Variants in PNKD observed in about 807,000 individuals in gnomAD.
The protein encoded by PNKD is PNKD metallo-beta-lactamase domain containing.
PNKD carries 36 observed loss-of-function variants against 45.3 expected under a neutral mutation model. That is an observed-to-expected ratio of 0.80 (90% CI 0.61 to 1.05). The LOEUF (loss-of-function observed/expected upper bound fraction) is 1.05. PNKD is among the 50% of genes least tolerant of loss of function. The pLI is 0.00. For synonymous variants in PNKD, 197 were observed against 210.1 expected (o/e 0.94, Z 0.54); for missense variants, 511 against 506.6 (o/e 1.01, Z -0.08).
intron 2 of PNKD, chr2:218,281,862 G>A: frequency 7.3e-6 from 8 of 1,103,298 alleles, no homozygotes; most frequent in Non-Finnish European, 1.1e-5. Context: ...GAAGAGAAAA[G>A]GGGCAGGAGG....
Position 218,340,220 on chromosome 2 carries a change from C to T in PNKD, c.465+79C>T, listed in dbSNP as rs1188838415. 1 of 870,428 alleles carries T rather than the reference C, an allele frequency of 1.1e-6. No individual in the cohort carries two copies. 53.9% of individuals were successfully genotyped at this position (870,428 alleles called of 1,614,324 possible). On this transcript the variant is annotated intron_variant, in intron 4 of 9. Coordinates refer to ENST00000273077, the MANE Select transcript of PNKD (RefSeq NM_015488.5). The surrounding 1 kb of genome is among the most constrained non-coding windows in gnomAD (Gnocchi z 4.2). ...GTTTCGCCTTGCTAGAGAGGGCTGACCCTTGTCCGTCTGCCCGTGGGATGT... is the reference window on the plus strand; with the variant it reads ...GTTTCGCCTTGCTAGAGAGGGCTGATCCTTGTCCGTCTGCCCGTGGGATGT...
chr2:218,331,969 C>T (rs931081488), intron 2 of PNKD, among the ~76,000 whole-genome samples: 6 of 152,032 alleles, frequency 3.9e-5, no homozygotes, highest in Admixed American at 6.6e-5. Context: ...AGGGGGTTTC[C>T]GCCCTTTCAC....
Position 218,339,854 on chromosome 2 carries a change from G to A in PNKD, c.308G>A (p.Arg103His), listed in dbSNP as rs768336954. The change falls in exon 3 of 10, where the codon CGC becomes CAC. Residue 103 changes from arginine to histidine, a missense_variant. Coordinates refer to ENST00000273077, the MANE Select transcript of PNKD (RefSeq NM_015488.5). ...YRQQLRRARN[R>H]YPKGHSKTQP... Reference sequence around the variant, plus strand: ...CAGCAGCTGCGCAGGGCTCGGAATCGCTACCCTAAAGGCCACTCGAAAACC... The same window carrying A: ...CAGCAGCTGCGCAGGGCTCGGAATCACTACCCTAAAGGCCACTCGAAAACC... The A allele has an allele frequency of 5.0e-6, 8 of 1,612,286 alleles. No individual in the cohort carries two copies. The highest frequency in any genetic ancestry group is 6.8e-6 in the Non-Finnish European group (8 of 1,179,288).
At chr2:218,305,472 A>C (rs1693380824) in intron 2 of PNKD, among the ~76,000 whole-genome samples, 1 of 151,154 alleles carries the variant, frequency 6.6e-6, no homozygotes, top group South Asian at 2.1e-4. Flanking sequence ...TGCCTCAGCC[A>C]CTCAAGTAAC....
intron 2 of PNKD, among the ~76,000 whole-genome samples, chr2:218,331,398 G>A (rs1694314610): frequency 6.6e-6 from 1 of 151,618 alleles, no homozygotes; most frequent in African/African-American, 2.4e-5. Flanking sequence ...CAAGAGCGAA[G>A]CTCTGTCTCA....
chr2:218,300,115 A>G (rs531746562), intron 2 of PNKD, among the ~76,000 whole-genome samples: 1 of 152,200 alleles, frequency 6.6e-6, no homozygotes, highest in East Asian at 1.9e-4. Context: ...TTGGATTCCA[A>G]TATTATAATT....
chr2:218,304,539 G>C (rs938893915), intron 2 of PNKD, among the ~76,000 whole-genome samples: 1 of 152,150 alleles, frequency 6.6e-6, no homozygotes, highest in African/African-American at 2.4e-5. Flanking sequence ...AGCACCTGCC[G>C]GTAGCCTTGC....
At position 218,277,431 on chromosome 2, in the gene PNKD, T is replaced by C. The variant is rs1390853294; in HGVS notation, c.236+5882T>C. 3 of 1,614,070 alleles carry C rather than the reference T, an allele frequency of 1.9e-6. No individual in the cohort carries two copies. The highest frequency in any genetic ancestry group is 1.1e-5 in the South Asian group (1 of 91,092). The stretch of plus-strand genomic sequence containing the variant: ...ACCGCAGTGATGATCATTGCAATGA[T>C]GACGGCTTTGGTTTGGTACATACTG... On this transcript the variant is annotated intron_variant, in intron 2 of 9. Coordinates refer to ENST00000273077, the MANE Select transcript of PNKD (RefSeq NM_015488.5).
At chr2:218,303,730 C>T (rs1245303403) in intron 2 of PNKD, among the ~76,000 whole-genome samples, 1 of 151,922 alleles carries the variant, frequency 6.6e-6, no homozygotes, top group Non-Finnish European at 1.5e-5. Flanking sequence ...TGCCCACCAC[C>T]ATGCCCAGCT....
chr2:218,305,125 G>A (rs191966119), intron 2 of PNKD, among the ~76,000 whole-genome samples: 106 of 152,182 alleles, frequency 7.0e-4, no homozygotes, highest in Non-Finnish European at 1.4e-3. Context: ...TTATAGAGTC[G>A]TGACAATGAA....
chr2:218,332,612 G>A (rs1356787776), intron 2 of PNKD, among the ~76,000 whole-genome samples: 1 of 151,920 alleles, frequency 6.6e-6, no homozygotes, highest in Non-Finnish European at 1.5e-5. Context: ...GGCCAGCAAG[G>A]ACTGCAACCT....
chr2:218,304,286 ACAGATGCCTGC>A (rs1345873439), intron 2 of PNKD, among the ~76,000 whole-genome samples: 1 of 152,130 alleles, frequency 6.6e-6, no homozygotes, highest in Non-Finnish European at 1.5e-5. Flanking sequence ...AGCTGGGATT[ACAGATGCCTGC>A]CACCATGCCT....
chr2:218,288,385 C>T (rs1482019700), intron 2 of PNKD, among the ~76,000 whole-genome samples: 1 of 151,898 alleles, frequency 6.6e-6, no homozygotes, highest in Non-Finnish European at 1.5e-5. Flanking sequence ...GTCAAAATGG[C>T]GCCACTGCAC....
intron 2 of PNKD, chr2:218,280,805 CT>C (rs950294415): frequency 0.015 from 1,512 of 104,034 alleles, 1 homozygote; most frequent in Non-Finnish European, 0.023. Context: ...ACCTCATTTC[CT>C]TTTTTTTTTT....
intron 2 of PNKD, chr2:218,276,893 C>G: frequency 1.2e-6 from 1 of 834,874 alleles, no homozygotes; most frequent in South Asian, 1.5e-5. Context: ...TCGAGAGGTT[C>G]TGGAGGTCAG....
intron 2 of PNKD, among the ~76,000 whole-genome samples, chr2:218,281,784 G>T (rs780445594): frequency 6.6e-6 from 1 of 152,182 alleles, no homozygotes; most frequent in Non-Finnish European, 1.5e-5. Flanking sequence ...AAAGTGGAGG[G>T]TAACAAAGAC....
intron 2 of PNKD, among the ~76,000 whole-genome samples, chr2:218,297,755 T>C (rs1402180461): frequency 1.3e-5 from 2 of 148,184 alleles, no homozygotes; most frequent in Non-Finnish European, 3.0e-5. Flanking sequence ...ATCCCAGCAC[T>C]TTGAGAGGCC....
At chr2:218,275,983 T>G in intron 2 of PNKD, 7 of 1,590,632 alleles carry the variant, frequency 4.4e-6, no homozygotes, top group Non-Finnish European at 6.0e-6. Flanking sequence ...ATTCCTCCCC[T>G]CATCCCCTCA....
At position 218,331,283 on chromosome 2, in the gene PNKD, G is replaced by A. The variant is rs912702452; in HGVS notation, c.237-8500G>A. On this transcript the variant is annotated intron_variant, in intron 2 of 9. Coordinates refer to ENST00000273077, the MANE Select transcript of PNKD (RefSeq NM_015488.5). ...GCAAAAAATGTGGTAGTGGGCACCTGTAATCCCAGCTACTTCGGGAGGCTG... is the reference window on the plus strand; with the variant it reads ...GCAAAAAATGTGGTAGTGGGCACCTATAATCCCAGCTACTTCGGGAGGCTG... Among the ~76,000 whole-genome samples, 26 of 151,924 alleles carry A rather than the reference G, an allele frequency of 1.7e-4. 1 individual carries two copies. The highest frequency in any genetic ancestry group is 4.6e-4 in the Admixed American group (7 of 15,248).
Sources: gnomAD v4.1 joint callset for allele counts (sites outside exome capture counted in the v4.1 genomes callset) on GRCh38, gnomAD v4.1.1 for gene constraint, Gnocchi (gnomAD v3.1) non-coding constraint, MANE v1.5 for transcripts, NCBI Gene and HGNC (gene_info 2026-07-23, HGNC 2026-07-21) for gene names.